Variants in LMNB2 observed in about 807,000 individuals in gnomAD.
LMNB2 encodes lamin B2, also known as lamin-B2.
A neutral mutation model predicts 69.3 loss-of-function variants in LMNB2; 17 were observed. That is an observed-to-expected ratio of 0.25 (90% CI 0.17 to 0.37). LMNB2 has a LOEUF of 0.37. LMNB2 is among the 10% of genes least tolerant of loss of function. The pLI, the probability that LMNB2 is intolerant of heterozygous loss-of-function variation, is 1.00. For synonymous variants in LMNB2, 397 were observed against 389.3 expected (o/e 1.02, Z -0.23); for missense variants, 789 against 883.6 (o/e 0.89, Z 1.36).
chr19:2,455,274 A>C (rs1209717665), intron 1 of LMNB2, among the ~76,000 whole-genome samples: 1 of 150,758 alleles, frequency 6.6e-6, no homozygotes, highest in Non-Finnish European at 1.5e-5. Flanking sequence ...GAGACCCCCC[A>C]CACACCCCAT....
At position 2,444,681 on chromosome 19, in the gene LMNB2, G is replaced by T. The variant is rs1971933988; in HGVS notation, c.265-141C>A. The T allele has an allele frequency of 2.7e-6, 3 of 1,111,774 alleles. No homozygotes were observed. In the East Asian group the frequency reaches 7.3e-5, roughly 27 times the overall value. 68.9% of individuals were successfully genotyped at this position (1,111,774 alleles called of 1,614,324 possible). ...GAGGATGGCAGCCTGGGGACACTGG[G>T]ACACCCTGTGTTGCCCATCTCACAG... On this transcript the variant is annotated intron_variant, in intron 1 of 11. Coordinates refer to ENST00000325327, the MANE Select transcript of LMNB2 (RefSeq NM_032737.4).
chr19:2,455,460 T>TG (rs998835343), intron 1 of LMNB2, among the ~76,000 whole-genome samples: 19 of 151,940 alleles, frequency 1.3e-4, no homozygotes, highest in African/African-American at 4.4e-4. Context: ...ACGAGGCATA[T>TG]GGGGGGCTGC....
At chr19:2,448,464 A>AG (rs1207634432) in intron 1 of LMNB2, among the ~76,000 whole-genome samples, 1 of 152,224 alleles carries the variant, frequency 6.6e-6, no homozygotes, top group Non-Finnish European at 1.5e-5. Context: ...AGCCCGTTCA[A>AG]GGTGAGAAAA....
chr19:2,440,064 T>C (rs1304266100), intron 2 of LMNB2, among the ~76,000 whole-genome samples: 1 of 152,044 alleles, frequency 6.6e-6, no homozygotes, highest in Non-Finnish European at 1.5e-5. Context: ...ACCTAGGCAT[T>C]TGCCCAAGAA....
chr19:2,452,118 C>T (rs757630127), intron 1 of LMNB2, among the ~76,000 whole-genome samples: 2 of 152,170 alleles, frequency 1.3e-5, no homozygotes, highest in African/African-American at 2.4e-5. Flanking sequence ...GGCCAGCCCC[C>T]ACCCCACCCT....
chr19:2,435,064 C>T lies in LMNB2; in HGVS notation c.792G>A (p.Arg264=). Residue 264 remains arginine (R), a synonymous_variant, in exon 5 of 12, where the codon CGG becomes CGA. Coordinates refer to ENST00000325327, the MANE Select transcript of LMNB2 (RefSeq NM_032737.4). ...FKMAQALEEL[R]SQHDEQVRLY... is the part of the protein sequence containing the mutation. ...GCCGCACTTGCTCGTCGTGCTGGCT[C>T]CGCAGCTCCTCCAGCGCCTGTGCCA... The T allele has an allele frequency of 6.2e-7, 1 of 1,610,856 alleles. No individual in the cohort carries two copies. Among genetic ancestry groups the T allele is most frequent in the Non-Finnish European group, 8.5e-7 (1 of 1,179,720 alleles).
chr19:2,451,002 A>G (rs1312608612), intron 1 of LMNB2, among the ~76,000 whole-genome samples: 2 of 151,756 alleles, frequency 1.3e-5, no homozygotes, highest in African/African-American at 4.8e-5. Flanking sequence ...GCACTTTGGG[A>G]GGCAGAGGCT....
intron 8 of LMNB2, 97 bp downstream of exon 8, chr19:2,433,729 C>G: frequency 6.8e-7 from 1 of 1,461,666 alleles, no homozygotes; most frequent in Non-Finnish European, 9.4e-7. Context: ...ACCTTGTCCC[C>G]TGCCTCGCAT....
At chr19:2,437,446 G>C (rs973567554) in intron 4 of LMNB2, among the ~76,000 whole-genome samples, 1 of 152,240 alleles carries the variant, frequency 6.6e-6, no homozygotes, top group Non-Finnish European at 1.5e-5. Context: ...CAGCTCTCAG[G>C]GTGGGAACAC....
intron 1 of LMNB2, among the ~76,000 whole-genome samples, chr19:2,450,818 G>A (rs1405956189): frequency 1.3e-5 from 2 of 151,640 alleles, no homozygotes; most frequent in Non-Finnish European, 2.9e-5. Flanking sequence ...TTTTAGTAGA[G>A]ACGGGGCTTC....
chr19:2,455,304 C>T (rs1972075029), intron 1 of LMNB2, among the ~76,000 whole-genome samples: 1 of 151,848 alleles, frequency 6.6e-6, no homozygotes, highest in African/African-American at 2.4e-5. Context: ...CCTCAGAGGG[C>T]CTGGGCCCCC....
chr19:2,431,521 A>C (rs1971739324), intron 11 of LMNB2, 27 bp downstream of exon 11: 1 of 1,613,716 alleles, frequency 6.2e-7, no homozygotes, highest in Non-Finnish European at 8.5e-7. Context: ...GCTGCCCCCC[A>C]GCCGCAAGTG....
At chr19:2,445,111 C>G (rs954547249) in intron 1 of LMNB2, among the ~76,000 whole-genome samples, 4 of 152,102 alleles carry the variant, frequency 2.6e-5, no homozygotes, top group African/African-American at 9.7e-5. Flanking sequence ...TCTCGGACAA[C>G]TGGTGATGAC....
chr19:2,436,103 T>C (rs1739361529), intron 4 of LMNB2, among the ~76,000 whole-genome samples: 1 of 151,932 alleles, frequency 6.6e-6, no homozygotes, highest in African/African-American at 2.4e-5. Context: ...ACAAACATGG[T>C]GAAAACCCCG....
intron 2 of LMNB2, among the ~76,000 whole-genome samples, chr19:2,439,631 A>T (rs1971870592): frequency 1.3e-5 from 2 of 152,128 alleles, no homozygotes; most frequent in Non-Finnish European, 2.9e-5. Context: ...CTGGCTGGAC[A>T]TTCAAAGAAC....
At position 2,431,907 on chromosome 19, in the gene LMNB2, G is replaced by A. The variant is rs746637563; in HGVS notation, c.1591-5C>T. 3.1e-6 allele frequency: 5 copies of A among 1,609,752 alleles called. No homozygotes were observed. Among genetic ancestry groups the A allele is most frequent in the Non-Finnish European group, 4.2e-6 (5 of 1,179,662 alleles). ...CCCCGCACCAGCTGCCCACACCTGAGGACCCAATAACAATGGCCCCATCAG... is the reference window on the plus strand; with the variant it reads ...CCCCGCACCAGCTGCCCACACCTGAAGACCCAATAACAATGGCCCCATCAG... On this transcript the variant is annotated splice_polypyrimidine_tract_variant and splice_region_variant and intron_variant, in intron 9 of 11. Coordinates refer to ENST00000325327, the MANE Select transcript of LMNB2 (RefSeq NM_032737.4).
chr19:2,454,548 C>G (rs1161185644), intron 1 of LMNB2, among the ~76,000 whole-genome samples: 1 of 152,074 alleles, frequency 6.6e-6, no homozygotes, highest in African/African-American at 2.4e-5. Context: ...GCGACTAGCC[C>G]AAGGTCACAC....
chr19:2,434,923 G>A lies in LMNB2; in HGVS notation c.856-10C>T, dbSNP rs751305991. On this transcript the variant is annotated splice_polypyrimidine_tract_variant and intron_variant, in intron 5 of 11. Coordinates refer to ENST00000325327, the MANE Select transcript of LMNB2 (RefSeq NM_032737.4). Reference sequence around the variant, plus strand: ...GCTTGGCGCTGTCCAGCTGTGGGGAGACGGGCGGGTGAGTGCGGGCGCGGG... The same window carrying A: ...GCTTGGCGCTGTCCAGCTGTGGGGAAACGGGCGGGTGAGTGCGGGCGCGGG... 6.2e-6 allele frequency: 10 copies of A among 1,600,276 alleles called. No individual in the cohort carries two copies. In the African/African-American group the frequency reaches 1.2e-4, roughly 19 times the overall value.
chr19:2,440,606 C>G (rs957139163), intron 2 of LMNB2, among the ~76,000 whole-genome samples: 8 of 151,798 alleles, frequency 5.3e-5, no homozygotes, highest in African/African-American at 1.9e-4. Flanking sequence ...GTCCATCTAT[C>G]CATCCACCCA....
Sources: gnomAD v4.1 joint callset for allele counts (sites outside exome capture counted in the v4.1 genomes callset) on GRCh38, gnomAD v4.1.1 for gene constraint, MANE v1.5 for transcripts, NCBI Gene and HGNC (gene_info 2026-07-23, HGNC 2026-07-21) for gene names.